The following ELMO1 variants were observed in gnomAD, a reference collection of about 807,000 sequenced individuals.
ELMO1 encodes engulfment and cell motility 1.
A neutral mutation model predicts 98.9 loss-of-function variants in ELMO1; 26 were observed. That is an observed-to-expected ratio of 0.26 (90% CI 0.19 to 0.36). ELMO1 has a LOEUF of 0.36. Among genes scored for constraint, ELMO1 ranks in the 10% least tolerant of loss-of-function variants. The probability of loss-of-function intolerance (pLI) is 1.00; values close to 1 mark genes in which losing one functional copy is unlikely to be tolerated. For synonymous variants in ELMO1, 346 were observed against 346.0 expected (o/e 1.00, Z 0.00); for missense variants, 627 against 935.2 (o/e 0.67, Z 4.30).
chr7:36,892,877 G>A (rs186996927), intron 17 of ELMO1, among the ~76,000 whole-genome samples: 13 of 152,058 alleles, frequency 8.5e-5, no homozygotes, highest in African/African-American at 3.1e-4. Context: ...CCATGGCCGA[G>A]GGATTATGCA....
chr7:36,978,904 C>G (rs183731694), intron 16 of ELMO1, among the ~76,000 whole-genome samples: 181 of 152,320 alleles, frequency 1.2e-3, no homozygotes, highest in Admixed American at 2.7e-3. Flanking sequence ...TTACAATCCA[C>G]AGAGTACATG....
intron 15 of ELMO1, among the ~76,000 whole-genome samples, chr7:37,049,759 C>T (rs1378823237): frequency 6.6e-6 from 1 of 151,142 alleles, no homozygotes; most frequent in Non-Finnish European, 1.5e-5. Flanking sequence ...AAATTTACTC[C>T]CCAGTTTTGT....
intron 15 of ELMO1, among the ~76,000 whole-genome samples, chr7:37,030,953 A>G (rs1481313128): frequency 6.6e-6 from 1 of 152,216 alleles, no homozygotes; most frequent in Non-Finnish European, 1.5e-5. Context: ...CAAAATTGAC[A>G]AAACATAACT....
chr7:37,120,871 C>T (rs1048996758), intron 14 of ELMO1, among the ~76,000 whole-genome samples: 32 of 152,156 alleles, frequency 2.1e-4, no homozygotes, highest in Non-Finnish European at 3.8e-4. Flanking sequence ...TGGGAGGCAC[C>T]CCCCAGTAGG....
chr7:37,433,468 G>A (rs1647791), intron 1 of ELMO1, among the ~76,000 whole-genome samples: 61,006 of 151,948 alleles, frequency 0.4, 12,408 homozygotes, highest in Admixed American at 0.46. Context: ...ATATGGTCCA[G>A]GCACTTCACT....
At chr7:37,341,701 A>C (rs1464365035) in intron 2 of ELMO1, among the ~76,000 whole-genome samples, 1 of 152,224 alleles carries the variant, frequency 6.6e-6, no homozygotes, top group Non-Finnish European at 1.5e-5. Context: ...ATAAAATCTG[A>C]CCAGGAAAAA....
intron 1 of ELMO1, among the ~76,000 whole-genome samples, chr7:37,441,081 CCA>C (rs1270089956): frequency 6.6e-6 from 1 of 151,630 alleles, no homozygotes; most frequent in Non-Finnish European, 1.5e-5. Flanking sequence ...TACAGCTCAT[CCA>C]GCTCTGCCAC....
chr7:36,894,786 A>T lies in ELMO1; in HGVS notation c.1601+68T>A, dbSNP rs570950972. ...TCACAACACAGCCCAGCTTCATGAC[A>T]GGCGGTCATTCTAGAAATAGTGGGT... On this transcript the variant is annotated intron_variant, in intron 17 of 21. Coordinates refer to ENST00000310758, the MANE Select transcript of ELMO1 (RefSeq NM_014800.11). 3.4e-5 allele frequency: 55 copies of T among 1,594,902 alleles called. No homozygotes were observed. In the African/African-American group the frequency reaches 6.6e-4, roughly 19 times the overall value.
intron 13 of ELMO1, among the ~76,000 whole-genome samples, chr7:37,178,246 T>A (rs1017784252): frequency 4.0e-5 from 6 of 151,694 alleles, no homozygotes; most frequent in Admixed American, 2.6e-4. Flanking sequence ...TGTCTTACAC[T>A]ACAACAGGCA....
At chr7:37,369,634 G>C (rs975831927) in intron 1 of ELMO1, among the ~76,000 whole-genome samples, 2 of 141,086 alleles carry the variant, frequency 1.4e-5, no homozygotes, top group African/African-American at 5.3e-5. Flanking sequence ...CAACGGGTAA[G>C]AAGGATTTCT....
At chr7:37,108,131 T>C (rs907424737) in intron 14 of ELMO1, among the ~76,000 whole-genome samples, 2 of 152,238 alleles carry the variant, frequency 1.3e-5, no homozygotes, top group South Asian at 4.1e-4. Context: ...TAAAAAAGCA[T>C]GTGAAAAGGA....
chr7:37,037,325 A>C (rs1218288314), intron 15 of ELMO1, among the ~76,000 whole-genome samples: 1 of 152,162 alleles, frequency 6.6e-6, no homozygotes, highest in South Asian at 2.1e-4. Context: ...ATAACCTTTC[A>C]TTTATTACAG....
intron 14 of ELMO1, among the ~76,000 whole-genome samples, chr7:37,127,813 T>C (rs1296802115): frequency 6.6e-6 from 1 of 152,228 alleles, no homozygotes; most frequent in Non-Finnish European, 1.5e-5. Flanking sequence ...GGCTCCCACA[T>C]TGGCCAGCAT....
intron 15 of ELMO1, among the ~76,000 whole-genome samples, chr7:37,065,685 C>A (rs978291764): frequency 6.6e-6 from 1 of 152,178 alleles, no homozygotes; most frequent in African/African-American, 2.4e-5. Context: ...AGTTTATTTT[C>A]TCTGCATAGG....
intron 16 of ELMO1, among the ~76,000 whole-genome samples, chr7:36,920,828 A>G (rs1406861277): frequency 6.6e-6 from 1 of 151,954 alleles, no homozygotes; most frequent in Non-Finnish European, 1.5e-5. Flanking sequence ...TTCTCTATGA[A>G]CCCCAAATCC....
chr7:37,063,071 T>C (rs2129215650), intron 15 of ELMO1, among the ~76,000 whole-genome samples: 1 of 152,306 alleles, frequency 6.6e-6, no homozygotes, highest in East Asian at 1.9e-4. Flanking sequence ...TAAGCTACCA[T>C]ACCTGTGGTG....
chr7:37,431,083 T>C (rs556710734), intron 1 of ELMO1, among the ~76,000 whole-genome samples: 1 of 152,214 alleles, frequency 6.6e-6, no homozygotes, highest in African/African-American at 2.4e-5. Context: ...CTTCCAGTAA[T>C]TCCAGTGCTT....
In ELMO1 at chr7:37,342,873, C is replaced by A; in HGVS notation, c.-73-110G>T. On this transcript the variant is annotated intron_variant, in intron 1 of 21. Coordinates refer to ENST00000310758, the MANE Select transcript of ELMO1 (RefSeq NM_014800.11). The surrounding 1 kb of genome is among the most constrained non-coding windows in gnomAD (Gnocchi z 4.3). ...TGGTGGTTTGGTATGAAAAACGGCT[C>A]CCCTTGGTGCCTGGGTGCTGAAGGT... 1.8e-6 allele frequency: 1 copy of A among 562,166 alleles called. No individual in the cohort carries two copies. 34.8% of individuals were successfully genotyped at this position (562,166 alleles called of 1,614,324 possible).
intron 13 of ELMO1, among the ~76,000 whole-genome samples, chr7:37,189,123 A>T (rs1791422582): frequency 6.6e-6 from 1 of 152,240 alleles, no homozygotes; most frequent in Non-Finnish European, 1.5e-5. Context: ...GAAATTGTTT[A>T]AAAGAATTCG....
Sources: gnomAD v4.1 joint callset for allele counts (sites outside exome capture counted in the v4.1 genomes callset) on GRCh38, gnomAD v4.1.1 for gene constraint, Gnocchi (gnomAD v3.1) non-coding constraint, MANE v1.5 for transcripts, NCBI Gene and HGNC (gene_info 2026-07-23, HGNC 2026-07-21) for gene names.